MARCHF1: variants seen among roughly 807,000 people sequenced by gnomAD.
The protein encoded by MARCHF1 is membrane associated ring-CH-type finger 1, also known as E3 ubiquitin-protein ligase MARCHF1.
A neutral mutation model predicts 54.2 loss-of-function variants in MARCHF1; 40 were observed. That is an observed-to-expected ratio of 0.74 (90% CI 0.57 to 0.96). The LOEUF is 0.96. Ranked by LOEUF, MARCHF1 falls within the 40% of genes least tolerant of loss-of-function variation. The probability of loss-of-function intolerance (pLI) is 0.00; values close to 1 mark genes in which losing one functional copy is unlikely to be tolerated. For missense variants in MARCHF1, 586 were observed against 656.5 expected (o/e 0.89, Z 1.17); for synonymous variants, 236 against 236.3 (o/e 1.00, Z 0.01).
rs376802479 is a variant in MARCHF1 at position 164,145,696 on chromosome 4, T to C, written c.-322-34034A>G. The stretch of plus-strand genomic sequence containing the variant: ...TCAAAATAATAAGAGCTATCTATGA[T>C]AAACCCACAGCCAATATCATACTGA... On this transcript the variant is annotated intron_variant, in intron 1 of 9. Coordinates refer to ENST00000514618, the MANE Select transcript of MARCHF1 (RefSeq NM_001394959.1). Among the ~76,000 whole-genome samples the C allele has an allele frequency of 2.3e-4, 34 of 150,938 alleles. No homozygotes were observed. In the South Asian group the frequency reaches 2.7e-3, roughly 12 times the overall value.
intron 3 of MARCHF1, among the ~76,000 whole-genome samples, chr4:163,970,970 C>T (rs548569497): frequency 5.9e-5 from 9 of 152,268 alleles, no homozygotes; most frequent in South Asian, 4.1e-4. Flanking sequence ...ACAATACCCC[C>T]GGTAATTTCT....
intron 2 of MARCHF1, among the ~76,000 whole-genome samples, chr4:164,091,678 T>C (rs1319359730): frequency 6.6e-6 from 1 of 151,954 alleles, no homozygotes; most frequent in African/African-American, 2.4e-5. Context: ...TATAGTCAAA[T>C]TGGAAATTAT....
intron 1 of MARCHF1, among the ~76,000 whole-genome samples, chr4:164,172,340 C>T (rs933330930): frequency 3.9e-5 from 6 of 152,130 alleles, no homozygotes; most frequent in African/African-American, 1.4e-4. Flanking sequence ...TGTTGATAAG[C>T]TTCAATTTTA....
At chr4:164,302,055 ATGCAG>A (rs975995656) in intron 1 of MARCHF1, among the ~76,000 whole-genome samples, 66 of 152,314 alleles carry the variant, frequency 4.3e-4, no homozygotes, top group African/African-American at 1.5e-3. Context: ...TTGCTGACAT[ATGCAG>A]GAGCACATCC....
intron 4 of MARCHF1, among the ~76,000 whole-genome samples, chr4:163,797,369 G>A (rs1340516498): frequency 3.3e-5 from 5 of 151,660 alleles, no homozygotes; most frequent in Non-Finnish European, 7.4e-5. Flanking sequence ...GTGTGTGTGT[G>A]TGTGCTTATT....
intron 4 of MARCHF1, among the ~76,000 whole-genome samples, chr4:163,833,624 T>A (rs911877501): frequency 1.3e-5 from 2 of 152,254 alleles, no homozygotes; most frequent in African/African-American, 2.4e-5. Context: ...AAAATGCTCA[T>A]CATCACCGGC....
At chr4:164,066,155 A>G (rs1754725120) in intron 2 of MARCHF1, among the ~76,000 whole-genome samples, 1 of 145,878 alleles carries the variant, frequency 6.9e-6, no homozygotes, top group Admixed American at 7.0e-5. Flanking sequence ...TCCAGCATCT[A>G]TAAGCAACAT....
At chr4:163,885,588 G>T (rs899940758) in intron 3 of MARCHF1, among the ~76,000 whole-genome samples, 1 of 152,032 alleles carries the variant, frequency 6.6e-6, no homozygotes, top group East Asian at 1.9e-4. Flanking sequence ...AGTGGGCCTT[G>T]ACATCTAGGT....
intron 1 of MARCHF1, among the ~76,000 whole-genome samples, chr4:164,181,302 T>G (rs1324337259): frequency 6.6e-6 from 1 of 152,162 alleles, no homozygotes. Flanking sequence ...TTTTAAGGCT[T>G]TCATGGTCTT....
At chr4:164,247,532 C>T (rs1732987528) in intron 1 of MARCHF1, among the ~76,000 whole-genome samples, 2 of 149,302 alleles carry the variant, frequency 1.3e-5, no homozygotes, top group Non-Finnish European at 3.0e-5. Flanking sequence ...GGGTGCAGTG[C>T]ACCAGCATGG....
rs574235710 is a variant in MARCHF1, at chr4:163,818,014, T to G, written c.111+36007A>C. On this transcript the variant is annotated intron_variant, in intron 4 of 9. Transcript: ENST00000514618. ...ATTAGGAGATATACCTAATGCTAAATGACGAGTTAATGGGTGCAGCACACC... is the reference window on the plus strand; with the variant it reads ...ATTAGGAGATATACCTAATGCTAAAGGACGAGTTAATGGGTGCAGCACACC... Among the ~76,000 whole-genome samples the G allele has an allele frequency of 2.9e-3, 425 of 148,052 alleles. 1 individual carries two copies. Among genetic ancestry groups the G allele is most frequent in the African/African-American group, 0.01 (410 of 40,288 alleles).
intron 5 of MARCHF1, among the ~76,000 whole-genome samples, chr4:163,644,224 T>A (rs1194519073): frequency 6.6e-6 from 1 of 152,166 alleles, no homozygotes; most frequent in Middle Eastern, 3.2e-3. Flanking sequence ...TTTTCCCTCA[T>A]AGCAGCAATA....
intron 3 of MARCHF1, among the ~76,000 whole-genome samples, chr4:163,910,752 CT>C (rs1399709209): frequency 6.6e-6 from 1 of 152,220 alleles, no homozygotes; most frequent in African/African-American, 2.4e-5. Flanking sequence ...GCACCTTGAC[CT>C]CCCAAAGTGT....
intron 3 of MARCHF1, among the ~76,000 whole-genome samples, chr4:163,962,611 T>C (rs575501282): frequency 1.8e-4 from 27 of 151,916 alleles, no homozygotes; most frequent in Non-Finnish European, 3.8e-4. Flanking sequence ...GGCATTCAAA[T>C]CTGAATAATA....
chr4:164,131,690 G>T (rs1430970015), intron 1 of MARCHF1, among the ~76,000 whole-genome samples: 1 of 152,004 alleles, frequency 6.6e-6, no homozygotes, highest in African/African-American at 2.4e-5. Flanking sequence ...TGTGCTGATG[G>T]CCCTTTTTGC....
intron 1 of MARCHF1, among the ~76,000 whole-genome samples, chr4:164,200,073 G>C (rs913156808): frequency 2.0e-5 from 3 of 152,146 alleles, no homozygotes; most frequent in African/African-American, 7.2e-5. Flanking sequence ...TTCTACAGAA[G>C]GACTTTCTGG....
intron 5 of MARCHF1, among the ~76,000 whole-genome samples, chr4:163,629,371 C>T (rs1235907493): frequency 5.3e-5 from 8 of 152,024 alleles, no homozygotes; most frequent in East Asian, 1.9e-4. Flanking sequence ...AAGCTGAAAC[C>T]GGATCCCTTT....
chr4:163,883,857 C>T (rs1268809925), intron 3 of MARCHF1, among the ~76,000 whole-genome samples: 1 of 151,924 alleles, frequency 6.6e-6, no homozygotes, highest in East Asian at 1.9e-4. Context: ...TTGCCCTAGC[C>T]TGCATCAAAG....
intron 1 of MARCHF1, among the ~76,000 whole-genome samples, chr4:164,143,142 A>C (rs1756594168): frequency 6.6e-6 from 1 of 151,048 alleles, no homozygotes; most frequent in South Asian, 2.1e-4. Flanking sequence ...AAAAGAAATG[A>C]GCAAAGCCTC....
Sources: gnomAD v4.1 joint callset for allele counts (sites outside exome capture counted in the v4.1 genomes callset) on GRCh38, gnomAD v4.1.1 for gene constraint, MANE v1.5 for transcripts, NCBI Gene and HGNC (gene_info 2026-07-23, HGNC 2026-07-21) for gene names.